The following PHAF1 variants were observed in gnomAD, a reference collection of about 807,000 sequenced individuals.
PHAF1 encodes the protein phagosome assembly factor 1.
In PHAF1, 23 loss-of-function variants were observed where a neutral mutation model predicts 63.1. The ratio of observed to expected loss-of-function variants is 0.36; its 90% CI spans 0.26 to 0.52. The LOEUF is 0.52. PHAF1 is among the 20% of genes least tolerant of loss of function. The pLI is 0.93. For synonymous variants in PHAF1, 167 were observed against 185.0 expected (o/e 0.90, Z 0.79); for missense variants, 427 against 517.2 (o/e 0.83, Z 1.69).
chr16:67,144,067 A>C (rs542030097), intron 10 of PHAF1, among the ~76,000 whole-genome samples: 2 of 152,298 alleles, frequency 1.3e-5, no homozygotes, highest in African/African-American at 4.8e-5. Context: ...GTGCCACTGC[A>C]CTCCAGCCTC....
intron 2 of PHAF1, among the ~76,000 whole-genome samples, chr16:67,122,100 G>A (rs189294940): frequency 4.4e-4 from 66 of 151,458 alleles, no homozygotes; most frequent in African/African-American, 1.6e-3. Context: ...GGGTCTCACT[G>A]TGTTTTTCAG....
At position 67,132,372 on chromosome 16, in the gene PHAF1, C is replaced by G. The variant is rs930097373; in HGVS notation, c.276-74C>G. The G allele has an allele frequency of 4.6e-6, 6 of 1,297,616 alleles. No individual in the cohort carries two copies. The African/African-American group carries it at 7.5e-5, about 16-fold the overall frequency. 80.4% of individuals were successfully genotyped at this position (1,297,616 alleles called of 1,614,324 possible). A position where few individuals can be genotyped will look rare whatever the true frequency, so the allele number is the denominator to read the frequency against. On this transcript the variant is annotated intron_variant, in intron 4 of 15. Coordinates refer to ENST00000219139, the MANE Select transcript of PHAF1 (RefSeq NM_025187.5). ...CTGCCTGTGTCTTAAAAATAACTCTCCCAGCTACTATCTCACATGATCTGT... is the reference window on the plus strand; with the variant it reads ...CTGCCTGTGTCTTAAAAATAACTCTGCCAGCTACTATCTCACATGATCTGT...
intron 14 of PHAF1, 129 bp from the exon 15 acceptor site, chr16:67,146,149 G>A (rs992687048): frequency 8.1e-6 from 7 of 866,188 alleles, no homozygotes; most frequent in African/African-American, 6.7e-5. Flanking sequence ...GCCTGTGTGG[G>A]AAACAGACAG....
At chr16:67,128,963 G>A (rs974618555) in intron 3 of PHAF1, among the ~76,000 whole-genome samples, 10 of 152,208 alleles carry the variant, frequency 6.6e-5, no homozygotes, top group Admixed American at 2.0e-4. Context: ...TCCACAGGGC[G>A]GGTGGTGGGA....
intron 4 of PHAF1, 35 bp from the exon 5 acceptor site, chr16:67,132,411 G>A: frequency 6.5e-7 from 1 of 1,530,452 alleles, no homozygotes; most frequent in Non-Finnish European, 8.9e-7. Context: ...CCCATCTTGT[G>A]AAGCCTAGTA....
chr16:67,142,997 TAGAGTC>T (rs1312128743), intron 10 of PHAF1, among the ~76,000 whole-genome samples: 1 of 151,638 alleles, frequency 6.6e-6, no homozygotes, highest in Non-Finnish European at 1.5e-5. Flanking sequence ...GGTACAGGGG[TAGAGTC>T]AGAGGTTACC....
intron 1 of PHAF1, among the ~76,000 whole-genome samples, chr16:67,118,624 C>T (rs1232496589): frequency 3.3e-5 from 5 of 151,696 alleles, no homozygotes; most frequent in Admixed American, 2.6e-4. Flanking sequence ...TGTGAGCCAC[C>T]GGGCCTGGCC....
intron 15 of PHAF1, 108 bp from the exon 16 acceptor site, chr16:67,146,937 C>G (rs773523940): frequency 8.7e-5 from 91 of 1,045,018 alleles, no homozygotes; most frequent in Middle Eastern, 6.2e-4. Flanking sequence ...GTCGGGAAAC[C>G]CAGCCATTAG....
At position 67,145,860 on chromosome 16, in the gene PHAF1, C is replaced by G. The variant is rs555665427; in HGVS notation, c.1109+232C>G. On this transcript the variant is annotated intron_variant, in intron 14 of 15. Transcript: ENST00000219139. Reference sequence around the variant, plus strand: ...TAGCTCCCCTCTCCCAAGCCTACCTCTAGGTATGGGGGCCTTCTCACCCTC... The same window carrying G: ...TAGCTCCCCTCTCCCAAGCCTACCTGTAGGTATGGGGGCCTTCTCACCCTC... Among the ~76,000 whole-genome samples the G allele has an allele frequency of 2.0e-5, 3 of 152,330 alleles. No homozygotes were observed. In the South Asian group the frequency reaches 6.2e-4, roughly 32 times the overall value.
intron 1 of PHAF1, among the ~76,000 whole-genome samples, chr16:67,114,833 A>G (rs1179170548): frequency 6.6e-6 from 1 of 152,182 alleles, no homozygotes; most frequent in Non-Finnish European, 1.5e-5. Flanking sequence ...GGTGGGGAAG[A>G]AGGAGGAATC....
intron 4 of PHAF1, 45 bp from the exon 5 acceptor site, chr16:67,132,401 C>A: frequency 6.8e-7 from 1 of 1,476,666 alleles, no homozygotes; most frequent in Non-Finnish European, 9.3e-7. Flanking sequence ...GATCTGTGGG[C>A]CCATCTTGTG....
At chr16:67,129,101 T>A (rs1963297398) in intron 3 of PHAF1, among the ~76,000 whole-genome samples, 1 of 152,166 alleles carries the variant, frequency 6.6e-6, no homozygotes, top group African/African-American at 2.4e-5. Context: ...CTGGCCTCAG[T>A]GAAATGGCAT....
rs745998966 is a variant in PHAF1, at chr16:67,145,623, G to A, written c.1104G>A (p.Leu368=). 3.1e-6 allele frequency: 5 copies of A among 1,612,882 alleles called. No homozygotes were observed. Among genetic ancestry groups the A allele is most frequent in the African/African-American group, 2.7e-5 (2 of 74,856 alleles). The change falls in exon 14 of 16, where the codon CTG becomes CTA. Residue 368 remains leucine, a synonymous_variant. Coordinates refer to ENST00000219139, the MANE Select transcript of PHAF1 (RefSeq NM_025187.5). ...LGHPVEKPVV[L]HRSSSPNNTN... is the part of the protein sequence containing the mutation. ...ACCCTGTGGAGAAGCCTGTTGTCCT[G>A]CACAGGTGAGTGGGAGTTTGATGTC...
At chr16:67,143,215 A>C (rs1362475574) in intron 10 of PHAF1, among the ~76,000 whole-genome samples, 2 of 152,196 alleles carry the variant, frequency 1.3e-5, no homozygotes, top group Non-Finnish European at 2.9e-5. Flanking sequence ...GGAATTCAGA[A>C]TAGTCAAGTG....
chr16:67,110,306 C>A, intron 1 of PHAF1, 67 bp downstream of exon 1: 1 of 1,514,424 alleles, frequency 6.6e-7, no homozygotes, highest in Non-Finnish European at 9.0e-7. Context: ...CTCTTCCCAC[C>A]TGTTCTCAGT....
chr16:67,110,638 C>T (rs1962475550), intron 1 of PHAF1, among the ~76,000 whole-genome samples: 1 of 152,160 alleles, frequency 6.6e-6, no homozygotes, highest in African/African-American at 2.4e-5. Flanking sequence ...TGGCTGACCC[C>T]TCTGATCATC....
At chr16:67,120,524 C>T (rs573964843) in intron 2 of PHAF1, among the ~76,000 whole-genome samples, 25 of 151,508 alleles carry the variant, frequency 1.7e-4, no homozygotes, top group African/African-American at 5.6e-4. Context: ...CTTCCACTTC[C>T]GTGTTTAAAA....
At chr16:67,134,636 G>T (rs1963542640) in intron 8 of PHAF1, 169 bp downstream of exon 8, 7 of 716,316 alleles carry the variant, frequency 9.8e-6, no homozygotes, top group Non-Finnish European at 1.7e-5. Context: ...AGTTCTGGAG[G>T]CTGGGAAGTC....
chr16:67,122,507 T>C (rs1002844266), intron 2 of PHAF1, among the ~76,000 whole-genome samples: 1 of 147,194 alleles, frequency 6.8e-6, no homozygotes, highest in African/African-American at 2.5e-5. Context: ...GGGAGGATCA[T>C]GAGCAGTGAG....
Sources: allele counts gnomAD v4.1 joint callset (sites outside exome capture counted in the v4.1 genomes callset), GRCh38; gene constraint gnomAD v4.1.1; transcripts MANE v1.5; gene names NCBI Gene and HGNC (gene_info 2026-07-23, HGNC 2026-07-21).